Variants in MARCHF8 observed in about 807,000 individuals in gnomAD.
MARCHF8 encodes E3 ubiquitin-protein ligase MARCHF8.
MARCHF8 carries 40 observed loss-of-function variants against 51.6 expected under a neutral mutation model. That is an observed-to-expected ratio of 0.77 (90% CI 0.60 to 1.01). The LOEUF is 1.01. MARCHF8 is among the 50% of genes least tolerant of loss of function. MARCHF8 has a pLI of 0.00. For synonymous variants in MARCHF8, 263 were observed against 280.3 expected (o/e 0.94, Z 0.62); for missense variants, 685 against 708.6 (o/e 0.97, Z 0.38).
intron 1 of MARCHF8, among the ~76,000 whole-genome samples, chr10:45,579,160 T>C (rs1016995921): frequency 1.3e-5 from 2 of 152,300 alleles, no homozygotes; most frequent in African/African-American, 2.4e-5. Flanking sequence ...TTAGGACTTA[T>C]ACAACTTAAA....
intron 5 of MARCHF8, 154 bp from the exon 6 acceptor site, chr10:45,461,565 A>C: frequency 1.4e-5 from 7 of 497,104 alleles, no homozygotes; most frequent in Non-Finnish European, 1.9e-5. Context: ...AACGAAAACA[A>C]TCACTACAAA....
chr10:45,562,885 A>G (rs770943933), intron 1 of MARCHF8, among the ~76,000 whole-genome samples: 2 of 152,232 alleles, frequency 1.3e-5, no homozygotes, highest in Admixed American at 6.5e-5. Flanking sequence ...GGAGGTCATT[A>G]AAGTACAGTT....
Position 45,533,249 on chromosome 10 carries a change from A to T in MARCHF8, c.-38T>A, listed in dbSNP as rs1274993365. ...TCTGGTCGTCTTCTTCACAGAAGAG[A>T]GTCTCCACTGGTAGAGTCATTTTGG... On this transcript the variant is annotated 5_prime_UTR_variant, in exon 2 of 8. Coordinates refer to ENST00000453424, the MANE Select transcript of MARCHF8 (RefSeq NM_001282866.2). 29 of 1,580,790 alleles carry T rather than the reference A, an allele frequency of 1.8e-5. No homozygotes were observed. The highest frequency in any genetic ancestry group is 2.5e-5 in the Non-Finnish European group (29 of 1,168,528).
intron 3 of MARCHF8, among the ~76,000 whole-genome samples, chr10:45,468,047 T>C (rs1843028385): frequency 6.6e-6 from 1 of 152,240 alleles, no homozygotes; most frequent in Non-Finnish European, 1.5e-5. Context: ...AACAAACCTC[T>C]GGATTTCTAT....
At chr10:45,562,650 A>T (rs201355375) in intron 1 of MARCHF8, among the ~76,000 whole-genome samples, 146 of 150,934 alleles carry the variant, frequency 9.7e-4, no homozygotes, top group East Asian at 4.7e-3. Flanking sequence ...TATTTTTTTT[A>T]AAAAAAAGAA....
At chr10:45,492,399 G>A (rs978847206) in intron 2 of MARCHF8, among the ~76,000 whole-genome samples, 1 of 151,884 alleles carries the variant, frequency 6.6e-6, no homozygotes, top group Non-Finnish European at 1.5e-5. Context: ...CCAGGTTCAT[G>A]CCACTCTCCT....
chr10:45,565,200 G>T (rs928462299), intron 1 of MARCHF8, among the ~76,000 whole-genome samples: 1 of 152,088 alleles, frequency 6.6e-6, no homozygotes, highest in African/African-American at 2.4e-5. Flanking sequence ...GGAGGCCAAG[G>T]GGGGTGAATC....
intron 2 of MARCHF8, among the ~76,000 whole-genome samples, chr10:45,511,401 C>CGG (rs2043499406): frequency 6.6e-6 from 1 of 151,616 alleles, no homozygotes; most frequent in African/African-American, 2.4e-5. Flanking sequence ...CTCTCCCTCT[C>CGG]CCCACGGCCC....
chr10:45,566,512 G>C (rs1300549890), intron 1 of MARCHF8, among the ~76,000 whole-genome samples: 2 of 152,060 alleles, frequency 1.3e-5, no homozygotes, highest in Non-Finnish European at 2.9e-5. Flanking sequence ...AAATAAGTGA[G>C]AACACGCAAG....
chr10:45,542,006 T>A (rs184071324), intron 1 of MARCHF8, among the ~76,000 whole-genome samples: 8 of 152,242 alleles, frequency 5.3e-5, no homozygotes, highest in Admixed American at 2.0e-4. Context: ...TAAAATTTTT[T>A]AAAAACCACT....
chr10:45,471,399 TG>T (rs1423992913), intron 3 of MARCHF8, among the ~76,000 whole-genome samples: 1 of 152,210 alleles, frequency 6.6e-6, no homozygotes, highest in Non-Finnish European at 1.5e-5. Flanking sequence ...TAAATTACAT[TG>T]AAGACAATGA....
rs74521834 is a variant in MARCHF8, at chr10:45,473,824, C to A, written c.154-9497G>T. 0.015 allele frequency among the ~76,000 whole-genome samples: 2,237 copies of A among 152,262 alleles called. 165 individuals carry two copies. In the East Asian group the frequency reaches 0.24, roughly 16 times the overall value. On this transcript the variant is annotated intron_variant, in intron 3 of 7. Coordinates refer to ENST00000453424, the MANE Select transcript of MARCHF8 (RefSeq NM_001282866.2). The stretch of plus-strand genomic sequence containing the variant: ...AATAGGGTGCCATGAGAGCCATCAC[C>A]CCCAGCCACTGAAGATGCCTTTCAT...
intron 3 of MARCHF8, among the ~76,000 whole-genome samples, chr10:45,486,468 G>T (rs2042980586): frequency 6.6e-6 from 1 of 152,146 alleles, no homozygotes; most frequent in Non-Finnish European, 1.5e-5. Flanking sequence ...GGAGGCTGAG[G>T]CAGGAGAATT....
intron 3 of MARCHF8, among the ~76,000 whole-genome samples, chr10:45,470,317 T>C (rs1180016614): frequency 3.9e-5 from 6 of 152,164 alleles, no homozygotes. Flanking sequence ...CCCTAAAGCT[T>C]GAGGACTGAG....
intron 7 of MARCHF8, 65 bp downstream of exon 7, chr10:45,459,055 G>A (rs539747417): frequency 1.9e-6 from 3 of 1,590,832 alleles, no homozygotes; most frequent in African/African-American, 2.7e-5. Flanking sequence ...AAAATCCTCT[G>A]ACCCCAGGAC....
chr10:45,541,819 G>A (rs1049126218), intron 1 of MARCHF8, among the ~76,000 whole-genome samples: 9 of 152,216 alleles, frequency 5.9e-5, no homozygotes, highest in Admixed American at 2.0e-4. Flanking sequence ...CATATTATTT[G>A]AAAACATGGA....
intron 2 of MARCHF8, among the ~76,000 whole-genome samples, chr10:45,531,182 T>C (rs1307931055): frequency 3.9e-5 from 6 of 152,062 alleles, no homozygotes; most frequent in Non-Finnish European, 7.4e-5. Context: ...AAAGAAAGAA[T>C]GGGGGGACAG....
intron 2 of MARCHF8, among the ~76,000 whole-genome samples, chr10:45,492,164 C>T (rs1287895895): frequency 6.6e-6 from 1 of 152,156 alleles, no homozygotes; most frequent in Admixed American, 6.5e-5. Flanking sequence ...GGTTTTAAAG[C>T]CTGAAACCTG....
chr10:45,579,233 T>C (rs1372526808), intron 1 of MARCHF8, among the ~76,000 whole-genome samples: 2 of 152,018 alleles, frequency 1.3e-5, no homozygotes, highest in East Asian at 3.9e-4. Context: ...GAAAGAGTGA[T>C]AAAGCTAATG....
Sources: gnomAD v4.1 joint callset for allele counts (sites outside exome capture counted in the v4.1 genomes callset) on GRCh38, gnomAD v4.1.1 for gene constraint, MANE v1.5 for transcripts, NCBI Gene and HGNC (gene_info 2026-07-23, HGNC 2026-07-21) for gene names.